BMPR1B: variants seen among roughly 807,000 people sequenced by gnomAD.
BMPR1B encodes bone morphogenetic protein receptor type 1B, also known as bone morphogenetic protein receptor type-1B.
In BMPR1B, 12 loss-of-function variants were observed where a neutral mutation model predicts 59.1. The ratio of observed to expected loss-of-function variants is 0.20; its 90% CI spans 0.13 to 0.33. The LOEUF (loss-of-function observed/expected upper bound fraction) is 0.33. BMPR1B is among the 10% of genes least tolerant of loss of function. The probability of loss-of-function intolerance (pLI) is 1.00; values close to 1 mark genes in which losing one functional copy is unlikely to be tolerated. For synonymous variants in BMPR1B, 237 were observed against 207.3 expected (o/e 1.14, Z -1.23); for missense variants, 550 against 610.9 (o/e 0.90, Z 1.05).
intron 2 of BMPR1B, among the ~76,000 whole-genome samples, chr4:94,988,278 T>C (rs907656665): frequency 7.2e-5 from 11 of 152,248 alleles, no homozygotes; most frequent in Middle Eastern, 3.6e-3. Context: ...CACCTATTAT[T>C]ATTAAACATG....
At chr4:95,059,101 A>G (rs780156871) in intron 3 of BMPR1B, among the ~76,000 whole-genome samples, 18 of 152,186 alleles carry the variant, frequency 1.2e-4, no homozygotes, top group Non-Finnish European at 2.5e-4. Context: ...CTTTGGGGGA[A>G]TAGTTGAGTG....
intron 2 of BMPR1B, among the ~76,000 whole-genome samples, chr4:94,930,269 A>G (rs1729049704): frequency 1.3e-5 from 2 of 152,108 alleles, no homozygotes; most frequent in Non-Finnish European, 2.9e-5. Context: ...CCTTGAATAT[A>G]TGGCATTGCT....
At position 94,797,078 on chromosome 4, in the gene BMPR1B, C is replaced by T. The variant is rs970037503; in HGVS notation, c.-183+39010C>T. On this transcript the variant is annotated intron_variant, in intron 1 of 12. Coordinates refer to ENST00000515059, the MANE Select transcript of BMPR1B (RefSeq NM_001203.3). ...CAGTTCCACATGGCTGGGGAGGCCT[C>T]AGAATCATGTAGAGGGTGAAGGGCA... Among the ~76,000 whole-genome samples the T allele has an allele frequency of 5.3e-5, 8 of 152,256 alleles. No individual in the cohort carries two copies. The East Asian group carries it at 1.4e-3, about 26-fold the overall frequency.
chr4:95,056,485 G>C (rs974690861), intron 3 of BMPR1B, among the ~76,000 whole-genome samples: 2 of 152,108 alleles, frequency 1.3e-5, no homozygotes, highest in African/African-American at 4.8e-5. Context: ...AAGTTTAATG[G>C]AGACATAAAG....
chr4:95,136,870 T>C (rs1733833010), intron 10 of BMPR1B, among the ~76,000 whole-genome samples: 2 of 152,322 alleles, frequency 1.3e-5, no homozygotes, highest in Middle Eastern at 3.4e-3. Flanking sequence ...AACTCCTGGA[T>C]TCATTGATTT....
intron 3 of BMPR1B, among the ~76,000 whole-genome samples, chr4:95,071,646 GTGTGTGTATATATA>G (rs1728288582): frequency 2.3e-5 from 2 of 86,584 alleles, no homozygotes; most frequent in African/African-American, 9.5e-5. Flanking sequence ...GTGTGTGTGT[GTGTGTGTATATATA>G]TATATATATA....
chr4:95,089,040 G>A (rs1198099312), intron 3 of BMPR1B, among the ~76,000 whole-genome samples: 1 of 152,142 alleles, frequency 6.6e-6, no homozygotes, highest in Admixed American at 6.6e-5. Flanking sequence ...TGGCCATTAA[G>A]ATAGCCATGG....
chr4:95,021,099 G>C (rs541766683), intron 3 of BMPR1B, among the ~76,000 whole-genome samples: 1 of 152,198 alleles, frequency 6.6e-6, no homozygotes, highest in Admixed American at 6.5e-5. Flanking sequence ...ATATGGGCAT[G>C]CAAGTATGGA....
At chr4:95,063,219 A>G (rs1727537491) in intron 3 of BMPR1B, among the ~76,000 whole-genome samples, 1 of 152,318 alleles carries the variant, frequency 6.6e-6, no homozygotes, top group Non-Finnish European at 1.5e-5. Context: ...AATAACTAAC[A>G]TATTCCATTT....
intron 1 of BMPR1B, among the ~76,000 whole-genome samples, chr4:94,779,812 A>G (rs978937931): frequency 6.6e-6 from 1 of 152,102 alleles, no homozygotes; most frequent in South Asian, 2.1e-4. Context: ...TGCCTGGGTG[A>G]CAGAGTGAGA....
chr4:94,979,620 T>C (rs931144318), intron 2 of BMPR1B, among the ~76,000 whole-genome samples: 1 of 152,220 alleles, frequency 6.6e-6, no homozygotes. Flanking sequence ...TTACATCTCT[T>C]TCTAAAATCT....
At position 95,128,259 on chromosome 4, in the gene BMPR1B, A is replaced by G. The variant is rs151042908; in HGVS notation, c.586-1603A>G. ...TGACGATAAGATGAGATCATTCTGGATTATCTGGGGTGGCCCAATGTAATT... is the reference window on the plus strand; with the variant it reads ...TGACGATAAGATGAGATCATTCTGGGTTATCTGGGGTGGCCCAATGTAATT... On this transcript the variant is annotated intron_variant, in intron 8 of 12. Transcript: ENST00000515059. Among the ~76,000 whole-genome samples, 833 of 152,290 alleles carry G rather than the reference A, an allele frequency of 5.5e-3. 10 individuals are homozygous for G. Among genetic ancestry groups the G allele is most frequent in the African/African-American group, 0.019 (797 of 41,552 alleles).
At chr4:94,916,129 G>A (rs1266587993) in intron 2 of BMPR1B, among the ~76,000 whole-genome samples, 2 of 152,122 alleles carry the variant, frequency 1.3e-5, no homozygotes, top group African/African-American at 4.8e-5. Flanking sequence ...AAATTACCCA[G>A]TCTTAAGTAT....
In BMPR1B at chr4:95,057,229, A is replaced by G. The variant is rs190906996; in HGVS notation, c.-17-47179A>G. On this transcript the variant is annotated intron_variant, in intron 3 of 12. Transcript: ENST00000515059. ...CCAAGACCATTTTGCTTAGCTCTGC[A>G]GAGTTAACTGACAGATGTTTCACTT... 2.0e-3 allele frequency among the ~76,000 whole-genome samples: 306 copies of G among 152,100 alleles called. 2 individuals carry two copies. The highest frequency in any genetic ancestry group is 6.7e-3 in the South Asian group (32 of 4,812).
chr4:95,116,421 G>GCGCGCGCACACACACACACACA lies in BMPR1B; in HGVS notation c.349+635_349+636insGCGCGCACACACACACACACAC. 2.4e-3 allele frequency among the ~76,000 whole-genome samples: 301 copies of GCGCGCGCACACACACACACACA among 123,230 alleles called. 2 individuals are homozygous for GCGCGCGCACACACACACACACA. Among genetic ancestry groups the GCGCGCGCACACACACACACACA allele is most frequent in the African/African-American group, 9.8e-3 (272 of 27,838 alleles). The allele number at this position is 123,230 out of a possible 152,430, so 80.8% of individuals were successfully genotyped here. On this transcript the variant is annotated intron_variant, in intron 6 of 12. Coordinates refer to ENST00000515059, the MANE Select transcript of BMPR1B (RefSeq NM_001203.3). ...CTCCTCCTCCATGCTTTCAGCGCGC[G>GCGCGCGCACACACACACACACA]CACACACACACACACACACACACAC...
At chr4:95,058,954 T>C (rs145582821) in intron 3 of BMPR1B, among the ~76,000 whole-genome samples, 9 of 152,328 alleles carry the variant, frequency 5.9e-5, no homozygotes, top group African/African-American at 2.2e-4. Flanking sequence ...TGCTCAAATA[T>C]GTGTTGTTTT....
chr4:94,795,348 C>T (rs13139957), intron 1 of BMPR1B, among the ~76,000 whole-genome samples: 47,203 of 150,668 alleles, frequency 0.31, 7,986 homozygotes, highest in African/African-American at 0.44. Flanking sequence ...ATTGAACCAG[C>T]CTTGCATCCC....
chr4:95,094,620 G>T (rs1424309889), intron 3 of BMPR1B, among the ~76,000 whole-genome samples: 1 of 152,104 alleles, frequency 6.6e-6, no homozygotes, highest in Non-Finnish European at 1.5e-5. Flanking sequence ...CAACCAGTGA[G>T]TACTGCTACT....
At chr4:95,005,838 G>C (rs1227872696) in intron 3 of BMPR1B, among the ~76,000 whole-genome samples, 1 of 152,124 alleles carries the variant, frequency 6.6e-6, no homozygotes, top group East Asian at 1.9e-4. Flanking sequence ...AACAGAAACA[G>C]TAAATGCCTG....
Sources: gnomAD v4.1 joint callset for allele counts (sites outside exome capture counted in the v4.1 genomes callset) on GRCh38, gnomAD v4.1.1 for gene constraint, MANE v1.5 for transcripts, NCBI Gene and HGNC (gene_info 2026-07-23, HGNC 2026-07-21) for gene names.